Variants in HNRNPM observed in about 807,000 individuals in gnomAD.
HNRNPM encodes the protein heterogeneous nuclear ribonucleoprotein M, also known as CEA receptor.
A neutral mutation model predicts 73.1 loss-of-function variants in HNRNPM; 11 were observed. That is an observed-to-expected ratio of 0.15 (90% CI 0.09 to 0.25). The LOEUF (loss-of-function observed/expected upper bound fraction) is 0.25. Ranked by LOEUF, HNRNPM falls within the 10% of genes least tolerant of loss-of-function variation. HNRNPM has a pLI of 1.00. For missense variants in HNRNPM, 789 were observed against 1,067.9 expected, an observed-to-expected ratio of 0.74 and a Z score of 3.64; for synonymous variants, 407 against 355.2, an observed-to-expected ratio of 1.15 and a Z score of -1.64.
intron 12 of HNRNPM, among the ~76,000 whole-genome samples, chr19:8,477,280 A>G (rs970503568): frequency 1.3e-5 from 2 of 152,196 alleles, no homozygotes; most frequent in Non-Finnish European, 2.9e-5. Flanking sequence ...AGAAGTGGCC[A>G]GCAGTAGGAA....
At chr19:8,450,486 C>T (rs1482678074) in intron 1 of HNRNPM, among the ~76,000 whole-genome samples, 1 of 151,714 alleles carries the variant, frequency 6.6e-6, no homozygotes, top group Non-Finnish European at 1.5e-5. Flanking sequence ...TCTCTACTCA[C>T]TGCAACTCCA....
intron 13 of HNRNPM, 130 bp from the exon 14 acceptor site, chr19:8,485,473 G>T: frequency 3.3e-6 from 3 of 909,526 alleles, no homozygotes; most frequent in Non-Finnish European, 5.1e-6. Context: ...CATTTGAGGG[G>T]TGTCTTAATG....
Position 8,468,482 on chromosome 19 carries a change from C to G in HNRNPM, c.835-292C>G, listed in dbSNP as rs191390612. Reference sequence around the variant, plus strand: ...AAGTTTTTTGAATAGATGATAGATTCACGTGACTCAAAAGTCAAAAGGCAT... The same window carrying G: ...AAGTTTTTTGAATAGATGATAGATTGACGTGACTCAAAAGTCAAAAGGCAT... On this transcript the variant is annotated intron_variant, in intron 8 of 15. Transcript: ENST00000325495. 1.7e-4 allele frequency among the ~76,000 whole-genome samples: 26 copies of G among 152,298 alleles called. 1 individual carries two copies. In the East Asian group the frequency reaches 5.0e-3, roughly 29 times the overall value.
At chr19:8,482,858 C>G (rs1307894125) in intron 12 of HNRNPM, 18 of 266,094 alleles carry the variant, frequency 6.8e-5, no homozygotes, top group Non-Finnish European at 1.3e-4. Flanking sequence ...CCTCTTCTTG[C>G]TCTGGCTCTC....
intron 12 of HNRNPM, among the ~76,000 whole-genome samples, chr19:8,475,164 G>C (rs1970415049): frequency 6.6e-6 from 1 of 152,244 alleles, no homozygotes; most frequent in Non-Finnish European, 1.5e-5. Context: ...TAGGTCAAGT[G>C]ACTGGTAAAC....
intron 1 of HNRNPM, among the ~76,000 whole-genome samples, chr19:8,451,427 G>A (rs980377972): frequency 1.1e-4 from 17 of 152,110 alleles, no homozygotes; most frequent in Non-Finnish European, 1.9e-4. Flanking sequence ...CCCTAATTTT[G>A]TCCTGAAGAT....
intron 13 of HNRNPM, among the ~76,000 whole-genome samples, chr19:8,484,517 G>T (rs751055131): frequency 4.0e-4 from 61 of 152,196 alleles, no homozygotes; most frequent in Non-Finnish European, 1.2e-4. Context: ...GCCCATTCTC[G>T]CTAGGTTCCT....
At position 8,468,759 on chromosome 19, in the gene HNRNPM, TTCTTTC is replaced by T. The variant is rs1969934178; in HGVS notation, c.835-8_835-3del. 6.2e-7 allele frequency: 1 copy of T among 1,610,330 alleles called. No homozygotes were observed. Among genetic ancestry groups the T allele is most frequent in the African/African-American group, 1.3e-5 (1 of 74,868 alleles). On this transcript the variant is annotated splice_polypyrimidine_tract_variant and intron_variant, in intron 8 of 15. Coordinates refer to ENST00000325495, the MANE Select transcript of HNRNPM (RefSeq NM_005968.5). Reference sequence around the variant, plus strand: ...CACTGGATACTGAGATTTGTTTGTTTTCTTTCTCTTTCAGGATGAGAGGGCCTTACC... The same window carrying T: ...CACTGGATACTGAGATTTGTTTGTTTTCTTTCAGGATGAGAGGGCCTTACC...
intron 2 of HNRNPM, among the ~76,000 whole-genome samples, 153 bp downstream of exon 2, chr19:8,455,727 TTTTTTTTTTTGTTTTGTG>T (rs1244770553): frequency 1.0e-4 from 15 of 148,158 alleles, no homozygotes; most frequent in Admixed American, 4.7e-4. Flanking sequence ...CCACCTCAGT[TTTTTTTTTTTGTTTTGTG>T]TTTTTTTTTT....
chr19:8,478,527 C>T (rs962545724), intron 12 of HNRNPM, among the ~76,000 whole-genome samples: 6 of 152,092 alleles, frequency 3.9e-5, no homozygotes, highest in African/African-American at 7.2e-5. Flanking sequence ...GGCTGGGGTC[C>T]GCCCTCTGGG....
At chr19:8,483,576 A>T (rs1052565465) in intron 13 of HNRNPM, among the ~76,000 whole-genome samples, 3 of 152,220 alleles carry the variant, frequency 2.0e-5, no homozygotes, top group African/African-American at 7.2e-5. Flanking sequence ...TATTTTCCTT[A>T]GACTTGATGA....
Position 8,486,364 on chromosome 19 carries a change from C to A in HNRNPM, c.1936C>A (p.Pro646Thr), listed in dbSNP as rs1216840538. 2 of 1,582,936 alleles carry A rather than the reference C, an allele frequency of 1.3e-6. No homozygotes were observed. The highest frequency in any genetic ancestry group is 1.7e-6 in the Non-Finnish European group (2 of 1,171,716). ...CTTTGGTGGAGCTGGAGGCCATGCTCCTGGGGTGGCCAGGAAGGCCTGCCA... is the reference window on the plus strand; with the variant it reads ...CTTTGGTGGAGCTGGAGGCCATGCTACTGGGGTGGCCAGGAAGGCCTGCCA... ...GSFGGAGGHA[P>T]GVARKACQIF... The change falls in exon 14 of 16, where the codon CCT (proline) becomes ACT (threonine). Residue 646 changes from proline to threonine, a missense_variant. By Grantham distance (38) the Pro-to-Thr change is conservative. Transcript: ENST00000325495.
intron 12 of HNRNPM, among the ~76,000 whole-genome samples, chr19:8,479,165 G>A (rs1194828371): frequency 7.3e-6 from 1 of 137,128 alleles, no homozygotes; most frequent in Non-Finnish European, 1.5e-5. Context: ...AGCTCACTGC[G>A]GCCTCCACCT....
intron 2 of HNRNPM, among the ~76,000 whole-genome samples, chr19:8,456,877 A>G (rs1431407202): frequency 6.6e-6 from 1 of 152,202 alleles, no homozygotes; most frequent in African/African-American, 2.4e-5. Flanking sequence ...CTCCTAGGGC[A>G]AGAGTGCAGT....
At chr19:8,451,397 T>C (rs1024443736) in intron 1 of HNRNPM, among the ~76,000 whole-genome samples, 1 of 152,314 alleles carries the variant, frequency 6.6e-6, no homozygotes, top group East Asian at 1.9e-4. Flanking sequence ...TACATATACA[T>C]GGACTAGAGA....
At position 8,463,674 on chromosome 19, in the gene HNRNPM, G is replaced by A. The variant is rs1243473593; in HGVS notation, c.426G>A (p.Leu142=). 1.2e-6 allele frequency: 2 copies of A among 1,608,990 alleles called. No homozygotes were observed. The highest frequency in any genetic ancestry group is 1.7e-6 in the Non-Finnish European group (2 of 1,175,504). ...AGCATAGTCTGAGCGGAAGACCACT[G>A]AAAGTCAAAGAAGTAAGCTCTTGCT... ...LNKHSLSGRP[L]KVKEDPDGEH... The change falls in exon 5 of 16, where the codon CTG becomes CTA. Residue 142 remains leucine (L), a synonymous_variant. Transcript: ENST00000325495.
chr19:8,476,116 A>G (rs1013480692), intron 12 of HNRNPM, among the ~76,000 whole-genome samples: 12 of 152,028 alleles, frequency 7.9e-5, no homozygotes, highest in East Asian at 3.9e-4. Context: ...CGCGGTGGCA[A>G]AGGATTCCAA....
rs1316408918 is a variant in HNRNPM, at chr19:8,462,284, G to A, written c.284-245G>A. ...GTCTTCCAGACAGGGAAATTGATAC[G>A]GAAATCTGTGGAATAGCTTGTTTGT... On this transcript the variant is annotated intron_variant, in intron 2 of 15. Coordinates refer to ENST00000325495, the MANE Select transcript of HNRNPM (RefSeq NM_005968.5). This position sits in a 1 kb window ranked among gnomAD's most constrained non-coding sequence, Gnocchi z 4.5. The A allele has an allele frequency of 1.9e-5, 9 of 466,030 alleles. No individual in the cohort carries two copies. The highest frequency in any genetic ancestry group is 6.2e-5 in the South Asian group (2 of 32,486). The allele number at this position is 466,030 out of a possible 1,614,324, so 28.9% of individuals were successfully genotyped here. A position where few individuals can be genotyped will look rare whatever the true frequency, so the allele number is the denominator to read the frequency against.
intron 12 of HNRNPM, among the ~76,000 whole-genome samples, chr19:8,477,660 CAAAAAAAAAAA>C (rs35193948): frequency 7.7e-5 from 9 of 117,094 alleles, no homozygotes; most frequent in African/African-American, 3.0e-4. Context: ...AACCCTGTCT[CAAAAAAAAAAA>C]AAAAAAAAAA....
Sources: allele counts gnomAD v4.1 joint callset (sites outside exome capture counted in the v4.1 genomes callset), GRCh38; gene constraint gnomAD v4.1.1; non-coding constraint Gnocchi (gnomAD v3.1); transcripts MANE v1.5; gene names NCBI Gene and HGNC (gene_info 2026-07-23, HGNC 2026-07-21).